CLASRP: variants seen among roughly 807,000 people sequenced by gnomAD.
CLASRP encodes CLK4-associating serine/arginine rich protein.
CLASRP carries 52 observed loss-of-function variants against 99.9 expected under a neutral mutation model. That is an observed-to-expected ratio of 0.52 (90% confidence interval 0.42 to 0.66). The LOEUF is 0.66. Among genes scored for constraint, CLASRP ranks in the 30% least tolerant of loss-of-function variants. The pLI, the probability that CLASRP is intolerant of heterozygous loss-of-function variation, is 0.00. For missense variants in CLASRP, 848 were observed against 999.2 expected (o/e 0.85, Z 2.04); for synonymous variants, 379 against 373.0 (o/e 1.02, Z -0.18).
intron 6 of CLASRP, among the ~76,000 whole-genome samples, chr19:45,057,152 C>T (rs1243577691): frequency 6.6e-6 from 1 of 152,188 alleles, no homozygotes; most frequent in Non-Finnish European, 1.5e-5. Context: ...ATTCCCTCTG[C>T]AGGGCTTAGC....
chr19:45,063,507 G>A (rs963145420), intron 11 of CLASRP, among the ~76,000 whole-genome samples: 12 of 134,040 alleles, frequency 9.0e-5, no homozygotes, highest in African/African-American at 1.7e-4. Flanking sequence ...GTGCAGTGGC[G>A]TGACCTGGAC....
At position 45,040,193 on chromosome 19, in the gene CLASRP, C is replaced by G. The variant is rs1473388113; in HGVS notation, c.-20C>G. 1.3e-6 allele frequency: 2 copies of G among 1,584,772 alleles called. No individual in the cohort carries two copies. The highest frequency in any genetic ancestry group is 2.3e-5 in the East Asian group (1 of 44,370). On this transcript the variant is annotated 5_prime_UTR_variant, in exon 2 of 21. Coordinates refer to ENST00000221455, the MANE Select transcript of CLASRP (RefSeq NM_007056.3). ...TCCCTTCATCCCTCAGGTTGAGGCC[C>G]CAGGCTTGGCCTCACCACAATGTGG...
In CLASRP at chr19:45,052,100, A is replaced by G. The variant is rs1043849246; in HGVS notation, c.129A>G (p.Val43=). ...IKKDPAQFLQ[V]HGRACKVHLD... ...AGGACCCAGCCCAGTTCCTGCAGGT[A>G]CATGGCCGAGCTTGCAAGGTGCACC... Residue 43 remains valine, a synonymous_variant, in exon 3 of 21, where the codon GTA becomes GTG. Transcript: ENST00000221455. 12 of 1,614,060 alleles carry G rather than the reference A, an allele frequency of 7.4e-6. No individual in the cohort carries two copies. The highest frequency in any genetic ancestry group is 1.0e-5 in the Non-Finnish European group (12 of 1,180,014).
rs1472673803 is a variant in CLASRP, at chr19:45,064,521, C to T, written c.1300C>T (p.Arg434Trp). 2.0e-6 allele frequency: 3 copies of T among 1,537,470 alleles called. No homozygotes were observed. Among genetic ancestry groups the T allele is most frequent in the African/African-American group, 2.7e-5 (2 of 72,984 alleles). Residue 434 changes from arginine to tryptophan, a missense_variant, in exon 13 of 21, where the codon CGG becomes TGG. Coordinates refer to ENST00000221455, the MANE Select transcript of CLASRP (RefSeq NM_007056.3). ...CCGCTCCCGCTCCCGGCGCTATTCCCGGTCCCGTAGCCGTGGCCGGCGGCA... is the reference window on the plus strand; with the variant it reads ...CCGCTCCCGCTCCCGGCGCTATTCCTGGTCCCGTAGCCGTGGCCGGCGGCA... Reference protein sequence around the residue: ...RSRSRSRRYSRSRSRGRRHSG... With the variant: ...RSRSRSRRYSWSRSRGRRHSG...
chr19:45,043,052 G>C (rs1473543592), intron 2 of CLASRP, among the ~76,000 whole-genome samples: 1 of 152,010 alleles, frequency 6.6e-6, no homozygotes, highest in South Asian at 2.1e-4. Flanking sequence ...TTACCTTCAG[G>C]CTGTGCTTAT....
chr19:45,050,840 C>A (rs1402284729), intron 2 of CLASRP, among the ~76,000 whole-genome samples: 2 of 151,896 alleles, frequency 1.3e-5, no homozygotes, highest in African/African-American at 4.8e-5. Flanking sequence ...CCTCAGCCTC[C>A]CAAATAGCTG....
chr19:45,068,603 A>C, intron 16 of CLASRP, 123 bp downstream of exon 16: 1 of 766,876 alleles, frequency 1.3e-6, no homozygotes, highest in Non-Finnish European at 2.3e-6. Context: ...GCAGGCACGG[A>C]GGTGCTCTGG....
In CLASRP at chr19:45,064,477, C is replaced by T; in HGVS notation, c.1256C>T (p.Ser419Phe). The part of the protein sequence containing the change: ...YRSGRHARSR[S>F]RSWSRSRSRS... ...TCCGGCCGCCACGCCCGCTCCCGGT[C>T]CCGCTCCTGGTCCCGCTCCCGCTCC... Residue 419 changes from serine (S) to phenylalanine (F), a missense_variant, in exon 13 of 21, where the codon TCC becomes TTC. Physicochemically the swap from Ser to Phe is radical, Grantham distance 155. Transcript: ENST00000221455. 1 of 1,533,918 alleles carries T rather than the reference C, an allele frequency of 6.5e-7. No homozygotes were observed. Among genetic ancestry groups the T allele is most frequent in the African/African-American group, 1.4e-5 (1 of 73,018 alleles).
chr19:45,062,835 A>G lies in CLASRP; in HGVS notation c.905+640A>G, dbSNP rs183124887. 7.2e-4 allele frequency among the ~76,000 whole-genome samples: 110 copies of G among 152,352 alleles called. 1 individual carries two copies. The highest frequency in any genetic ancestry group is 2.5e-3 in the East Asian group (13 of 5,186). On this transcript the variant is annotated intron_variant, in intron 11 of 20. Transcript: ENST00000221455. ...AATTTCCAGAAGTGGCCAGTGGGAAATAACGGGCACTCAGTAGCACCGCTG... is the reference window on the plus strand; with the variant it reads ...AATTTCCAGAAGTGGCCAGTGGGAAGTAACGGGCACTCAGTAGCACCGCTG...
intron 7 of CLASRP, among the ~76,000 whole-genome samples, chr19:45,058,569 A>G (rs1249817737): frequency 6.6e-6 from 1 of 152,080 alleles, no homozygotes; most frequent in Non-Finnish European, 1.5e-5. Flanking sequence ...TACTTTTAGT[A>G]GAGACGGGGG....
intron 5 of CLASRP, among the ~76,000 whole-genome samples, chr19:45,054,406 T>C (rs1972083731): frequency 6.6e-6 from 1 of 152,188 alleles, no homozygotes; most frequent in African/African-American, 2.4e-5. Flanking sequence ...CATGCCACCA[T>C]GCCCGGCTAA....
At chr19:45,058,236 T>G (rs979430769) in intron 7 of CLASRP, 3 of 301,134 alleles carry the variant, frequency 1.0e-5, no homozygotes, top group Non-Finnish European at 1.9e-5. Context: ...GTGTTCATCC[T>G]CTTACAGAGT....
At chr19:45,042,809 G>T (rs867055325) in intron 2 of CLASRP, among the ~76,000 whole-genome samples, 3 of 151,890 alleles carry the variant, frequency 2.0e-5, no homozygotes, top group Non-Finnish European at 4.4e-5. Context: ...TAGAGACAGG[G>T]TTTCACCATG....
chr19:45,067,341 C>T lies in CLASRP; in HGVS notation c.1414C>T (p.Arg472Cys), dbSNP rs750608024. Residue 472 changes from arginine (R) to cysteine (C), a missense_variant, in exon 14 of 21, where the codon CGC becomes TGC. Coordinates refer to ENST00000221455, the MANE Select transcript of CLASRP (RefSeq NM_007056.3). The surrounding 1 kb of genome is among the most constrained non-coding windows in gnomAD (Gnocchi z 4.9). ...CCCGCCCTGCTGCATCCCCAGGAGC[C>T]GCTCCCACTCAGGGGACCGCTACAG... ...GYGPRRRSRSRSHSGDRYRRG... is the reference protein window; with the variant it reads ...GYGPRRRSRSCSHSGDRYRRG... 55 of 1,510,050 alleles carry T rather than the reference C, an allele frequency of 3.6e-5. No individual in the cohort carries two copies. Among genetic ancestry groups the T allele is most frequent in the Middle Eastern group, 2.3e-4 (1 of 4,286 alleles). 93.5% of individuals were successfully genotyped at this position (1,510,050 alleles called of 1,614,324 possible).
intron 2 of CLASRP, among the ~76,000 whole-genome samples, chr19:45,043,201 G>T (rs1971847108): frequency 7.0e-6 from 1 of 143,638 alleles, no homozygotes; most frequent in Admixed American, 6.9e-5. Flanking sequence ...TACTTTGTGT[G>T]TGTGTGTGTG....
rs760010332 is a variant in CLASRP, at chr19:45,064,033, A to G, written c.927A>G (p.Ser309=). 8 of 1,612,060 alleles carry G rather than the reference A, an allele frequency of 5.0e-6. No individual in the cohort carries two copies. Among genetic ancestry groups the G allele is most frequent in the Middle Eastern group, 3.3e-4 (2 of 6,074 alleles). Residue 309 remains serine (S), a synonymous_variant, in exon 12 of 21, where the codon TCA becomes TCG. Transcript: ENST00000221455. ...GCAGGTCACCCTCGGAGTCCAGCTC[A>G]GAGTCCCGCTCCCGCTCCCGCTCCC... The part of the protein sequence containing the change: ...PYKRSPSESS[S]ESRSRSRSPT...
At chr19:45,068,607 G>A in intron 16 of CLASRP, 127 bp downstream of exon 16, 1 of 744,780 alleles carries the variant, frequency 1.3e-6, no homozygotes, top group Non-Finnish European at 2.4e-6. Flanking sequence ...GCACGGAGGT[G>A]CTCTGGGGAG....
chr19:45,042,513 A>G (rs559021060), intron 2 of CLASRP, among the ~76,000 whole-genome samples: 1 of 150,024 alleles, frequency 6.7e-6, no homozygotes, highest in East Asian at 1.9e-4. Context: ...AAAAAAATTT[A>G]TATATATATA....
intron 8 of CLASRP, 117 bp downstream of exon 8, chr19:45,059,481 G>A: frequency 1.2e-6 from 1 of 867,148 alleles, no homozygotes; most frequent in Admixed American, 2.1e-5. Flanking sequence ...CTGGCCCTGG[G>A]CCCAGGACTT....
Sources: allele counts gnomAD v4.1 joint callset (sites outside exome capture counted in the v4.1 genomes callset), GRCh38; gene constraint gnomAD v4.1.1; non-coding constraint Gnocchi (gnomAD v3.1); transcripts MANE v1.5; gene names NCBI Gene and HGNC (gene_info 2026-07-23, HGNC 2026-07-21).